The following MACF1 variants were observed in gnomAD, a reference collection of about 807,000 sequenced individuals.
MACF1 encodes the protein microtubule actin crosslinking factor 1.
Under a neutral mutation model 854.8 loss-of-function variants are expected in MACF1, and 193 were observed. The observed-to-expected ratio is 0.23, with a 90% CI of 0.20 to 0.25. The LOEUF is 0.25. Among genes scored for constraint, MACF1 ranks in the 10% least tolerant of loss-of-function variants. The pLI, the probability that MACF1 is intolerant of heterozygous loss-of-function variation, is 1.00. For synonymous variants in MACF1, 3,185 were observed against 3,226.7 expected, an observed-to-expected ratio of 0.99 and a Z score of 0.44; for missense variants, 7,722 against 8,929.1, an observed-to-expected ratio of 0.86 and a Z score of 5.45.
chr1:39,222,460 T>C (rs930305288), intron 1 of MACF1, among the ~76,000 whole-genome samples: 6 of 152,146 alleles, frequency 3.9e-5, no homozygotes, highest in Admixed American at 2.6e-4. Flanking sequence ...ATCCTTTGAC[T>C]CCTTTTTGGG....
chr1:39,469,387 C>T (rs1307182228), intron 96 of MACF1, among the ~76,000 whole-genome samples, 160 bp from the exon 97 acceptor site: 1 of 152,208 alleles, frequency 6.6e-6, no homozygotes, highest in Non-Finnish European at 1.5e-5. Flanking sequence ...GTTCCAATTG[C>T]TAAATCCTCT....
At chr1:39,431,322 G>C (rs557111886) in intron 66 of MACF1, among the ~76,000 whole-genome samples, 20 of 152,142 alleles carry the variant, frequency 1.3e-4, no homozygotes, top group African/African-American at 4.8e-4. Flanking sequence ...CAAAATAGCA[G>C]AGCTATCTAA....
At chr1:39,104,249 C>T (rs1231796230) in intron 2 of MACF1, among the ~76,000 whole-genome samples, 2 of 152,186 alleles carry the variant, frequency 1.3e-5, no homozygotes, top group Non-Finnish European at 2.9e-5. Flanking sequence ...GACCAGAGTT[C>T]TTCATTCACT....
chr1:39,381,015 A>G (rs1467542945), intron 55 of MACF1, among the ~76,000 whole-genome samples: 1 of 152,224 alleles, frequency 6.6e-6, no homozygotes, highest in Non-Finnish European at 1.5e-5. Flanking sequence ...TTGTGTACTC[A>G]TAATATTGAA....
Position 39,105,789 on chromosome 1 carries a change from GGCGGCTGCAGGT to G in MACF1, c.220+21353_220+21364del. 2.0e-6 allele frequency: 2 copies of G among 1,006,058 alleles called. No individual in the cohort carries two copies. The highest frequency in any genetic ancestry group is 2.4e-6 in the Non-Finnish European group (2 of 842,560). The allele number at this position is 1,006,058 out of a possible 1,614,324, so 62.3% of individuals were successfully genotyped here. ...CGTGGCCTTCGGAGCCGGTCGGCTCGGCGGCTGCAGGTGGGGCGGCCGGGCGGGGTCGCACCC... is the reference window on the plus strand; with the variant it reads ...CGTGGCCTTCGGAGCCGGTCGGCTCGGGGGCGGCCGGGCGGGGTCGCACCC... On this transcript the variant is annotated intron_variant, in intron 2 of 93. Transcript: ENST00000361689. This position sits in a 1 kb window ranked among gnomAD's most constrained non-coding sequence, Gnocchi z 5.9.
Position 39,484,633 on chromosome 1 carries a change from A to T in MACF1, c.22314A>T (p.Arg7438=). 2 of 1,614,014 alleles carry T rather than the reference A, an allele frequency of 1.2e-6. No homozygotes were observed. Among genetic ancestry groups the T allele is most frequent in the Non-Finnish European group, 1.7e-6 (2 of 1,179,920 alleles). The stretch of plus-strand genomic sequence containing the variant: ...CATCATCAGGTAGCAAGTTGAAACG[A>T]CCAACACCAACTTTTCATTCTAGTC... ...VIPSSGSKLK[R]PTPTFHSSRT... Residue 7438 remains arginine, a synonymous_variant, in exon 100 of 101, where the codon CGA becomes CGT. Coordinates refer to ENST00000564288, the MANE Select transcript of MACF1 (RefSeq NM_001394062.1).
rs574072902 is a variant in MACF1, at chr1:39,445,583, CATTA to C, written c.19605+752_19605+755del. Reference sequence around the variant, plus strand: ...AAACACATGAACATCTTGAGAGAAGCATTAATTTCCTAAAAACCTTCTAGCATGG... The same window carrying C: ...AAACACATGAACATCTTGAGAGAAGCATTTCCTAAAAACCTTCTAGCATGG... On this transcript the variant is annotated intron_variant, in intron 80 of 100. Coordinates refer to ENST00000564288, the MANE Select transcript of MACF1 (RefSeq NM_001394062.1). Among the ~76,000 whole-genome samples the C allele has an allele frequency of 2.0e-3, 303 of 152,320 alleles. 1 individual carries two copies. The highest frequency in any genetic ancestry group is 3.9e-3 in the South Asian group (19 of 4,822).
At position 39,285,720 on chromosome 1, in the gene MACF1, G is replaced by A. The variant is rs766030139; in HGVS notation, c.1470G>A (p.Arg490=). 31 of 1,613,990 alleles carry A rather than the reference G, an allele frequency of 1.9e-5. 1 individual carries two copies. The South Asian group carries it at 3.4e-4, about 18-fold the overall frequency. The change falls in exon 14 of 101, where the codon CGG becomes CGA. Residue 490 remains arginine, a synonymous_variant. Coordinates refer to ENST00000564288, the MANE Select transcript of MACF1 (RefSeq NM_001394062.1). ...TGCAGGTGGATCTCCAGATCCTGCG[G>A]GATGAGAATTACTACCAGCTAGAAG... ...RQLQVDLQIL[R]DENYYQLEEL...
chr1:39,406,254 G>A (rs616630), intron 58 of MACF1, among the ~76,000 whole-genome samples: 9,350 of 152,124 alleles, frequency 0.061, 466 homozygotes, highest in East Asian at 0.16. Flanking sequence ...TAAGTAATTC[G>A]AATCTGAATT....
Position 39,322,589 on chromosome 1 carries a change from G to A in MACF1, c.4030-19G>A, listed in dbSNP as rs374364836. 1.0e-4 allele frequency: 162 copies of A among 1,589,006 alleles called. No individual in the cohort carries two copies. The highest frequency in any genetic ancestry group is 1.3e-4 in the Non-Finnish European group (151 of 1,157,396). On this transcript the variant is annotated intron_variant, in intron 31 of 100. Coordinates refer to ENST00000564288, the MANE Select transcript of MACF1 (RefSeq NM_001394062.1). ...TTATAAAACCCTGAGTAACTGTAGC[G>A]AAATTCATCCTTTCCTAGGACTATG...
intron 72 of MACF1, among the ~76,000 whole-genome samples, 186 bp downstream of exon 72, chr1:39,439,686 A>C (rs1570087759): frequency 6.6e-6 from 1 of 152,048 alleles, no homozygotes; most frequent in African/African-American, 2.4e-5. Flanking sequence ...ACTCACTGCA[A>C]CCTCCGCCTT....
chr1:39,381,021 T>C (rs1650140472), intron 55 of MACF1, among the ~76,000 whole-genome samples: 2 of 152,156 alleles, frequency 1.3e-5, no homozygotes. Context: ...ACTCATAATA[T>C]TGAACTGTAA....
intron 40 of MACF1, among the ~76,000 whole-genome samples, chr1:39,343,582 A>G (rs1351299689): frequency 6.6e-6 from 1 of 152,244 alleles, no homozygotes. Flanking sequence ...TCCCCTAGTT[A>G]TAACATATGA....
intron 58 of MACF1, among the ~76,000 whole-genome samples, chr1:39,398,281 G>A (rs1642351062): frequency 6.6e-6 from 1 of 151,976 alleles, no homozygotes; most frequent in South Asian, 2.1e-4. Flanking sequence ...TGGAATTACA[G>A]GTGCATGCTG....
chr1:39,187,447 G>A (rs1644187452), intron 2 of MACF1, among the ~76,000 whole-genome samples: 1 of 152,110 alleles, frequency 6.6e-6, no homozygotes, highest in Non-Finnish European at 1.5e-5. Flanking sequence ...CTGTCATCCT[G>A]GCACTTCCCT....
rs71798934 is a variant in MACF1 at position 39,434,386 on chromosome 1, CT to C, written c.17566-11del. 154,799 of 966,202 alleles carry C rather than the reference CT, an allele frequency of 0.16. 102 individuals are homozygous for C. The highest frequency in any genetic ancestry group is 0.18 in the Non-Finnish European group (115,304 of 656,730). The allele number at this position is 966,202 out of a possible 1,614,324, so 59.9% of individuals were successfully genotyped here. ...AGAGTTTATAATAGTAATACTTATCCTTTTTTTTTTTTTTTTTGCTCACATA... is the reference window on the plus strand; with the variant it reads ...AGAGTTTATAATAGTAATACTTATCCTTTTTTTTTTTTTTTTGCTCACATA... On this transcript the variant is annotated intron_variant, in intron 68 of 100. Coordinates refer to ENST00000564288, the MANE Select transcript of MACF1 (RefSeq NM_001394062.1).
intron 40 of MACF1, among the ~76,000 whole-genome samples, chr1:39,345,733 A>C (rs1160204199): frequency 6.6e-6 from 1 of 152,230 alleles, no homozygotes; most frequent in African/African-American, 2.4e-5. Context: ...AATTAGGTAC[A>C]TCTCAGATCA....
intron 89 of MACF1, among the ~76,000 whole-genome samples, chr1:39,456,229 G>A (rs533650698): frequency 3.9e-5 from 6 of 152,250 alleles, no homozygotes; most frequent in African/African-American, 4.8e-5. Context: ...AGCTACTCAG[G>A]CGGCTGAGGC....
chr1:39,465,027 A>G, intron 94 of MACF1, 68 bp from the exon 95 acceptor site: 1 of 1,378,186 alleles, frequency 7.3e-7, no homozygotes, highest in Non-Finnish European at 1.0e-6. Context: ...CTTTAGTGTT[A>G]ATTTGACAAA....
Sources: allele counts gnomAD v4.1 joint callset (sites outside exome capture counted in the v4.1 genomes callset), GRCh38; gene constraint gnomAD v4.1.1; non-coding constraint Gnocchi (gnomAD v3.1); transcripts MANE v1.5; gene names NCBI Gene and HGNC (gene_info 2026-07-23, HGNC 2026-07-21).